Variants in BAZ1B observed in about 807,000 individuals in gnomAD.
BAZ1B encodes tyrosine-protein kinase BAZ1B.
A neutral mutation model predicts 153.8 loss-of-function variants in BAZ1B; 22 were observed. That is an observed-to-expected ratio of 0.14 (90% CI 0.10 to 0.20). BAZ1B has a LOEUF of 0.20. Ranked by LOEUF, BAZ1B falls within the 10% of genes least tolerant of loss-of-function variation. The pLI, the probability that BAZ1B is intolerant of heterozygous loss-of-function variation, is 1.00. For synonymous variants in BAZ1B, 676 were observed against 633.4 expected (o/e 1.07, Z -1.01); for missense variants, 1,325 against 1,799.3 (o/e 0.74, Z 4.77).
chr7:73,506,154 C>T (rs904096158), intron 3 of BAZ1B, among the ~76,000 whole-genome samples: 2 of 152,076 alleles, frequency 1.3e-5, no homozygotes, highest in African/African-American at 2.4e-5. Context: ...CTTTAGTGTT[C>T]GGTATCACTT....
At chr7:73,488,328 G>C (rs193022626) in intron 6 of BAZ1B, among the ~76,000 whole-genome samples, 2 of 152,228 alleles carry the variant, frequency 1.3e-5, no homozygotes, top group East Asian at 3.9e-4. Flanking sequence ...ACTTTCTGTT[G>C]GTTCTGATTA....
At position 73,521,852 on chromosome 7, in the gene BAZ1B, T is replaced by G; in HGVS notation, c.82A>C (p.Thr28Pro). 6.6e-7 allele frequency: 1 copy of G among 1,508,396 alleles called. No homozygotes were observed. 93.4% of individuals were successfully genotyped at this position (1,508,396 alleles called of 1,614,324 possible). A position where few individuals can be genotyped will look rare whatever the true frequency, so the allele number is the denominator to read the frequency against. Residue 28 changes from threonine to proline, a missense_variant, in exon 1 of 20, where the codon ACT (threonine) becomes CCT (proline). Physicochemically the swap from Thr to Pro is conservative, Grantham distance 38 (BLOSUM62 -1). Transcript: ENST00000339594. ...GEEPLFTIPH[T>P]QEAFRTREEY... ...TCCCGGGTGCGGAAGGCCTCCTGAG[T>G]GTGCGGGATGGTGAAGAGCGGCTCC...
rs999125819 is a variant in BAZ1B, at chr7:73,477,905, C to T, written c.1556G>A (p.Arg519Gln). Residue 519 changes from arginine (R) to glutamine (Q), a missense_variant, in exon 7 of 20, where the codon CGA (arginine) becomes CAA (glutamine). Arg to Gln is a conservative substitution (Grantham distance 43). Around this residue, in one of 9 missense-constraint regions of BAZ1B, gnomAD observed 154 missense variants for 266.3 expected, o/e 0.58. Transcript: ENST00000339594. The surrounding 1 kb of genome is among the most constrained non-coding windows in gnomAD (Gnocchi z 5.6). ...TTCATAGCGTTTTTGAACAAGACTT[C>T]GCAATTCTTCTGGGAGACGAGCTCT... ...EDRARLPEEL[R>Q]SLVQKRYELL... is the part of the protein sequence containing the mutation. 7 of 1,614,046 alleles carry T rather than the reference C, an allele frequency of 4.3e-6. No individual in the cohort carries two copies. Among genetic ancestry groups the T allele is most frequent in the East Asian group, 2.2e-5 (1 of 44,902 alleles).
In BAZ1B at chr7:73,466,288, C is replaced by A; in HGVS notation, c.2972+8G>T. ...AAGAAAGAGCAACCAGATGAATGCT[C>A]ACATTACCATAGGTTCTGTCCTTGT... is the stretch of plus-strand genomic sequence containing the variant. On this transcript the variant is annotated splice_region_variant and intron_variant, in intron 10 of 19. Transcript: ENST00000339594. 1.3e-6 allele frequency: 2 copies of A among 1,585,888 alleles called. No homozygotes were observed. Among genetic ancestry groups the A allele is most frequent in the South Asian group, 2.2e-5 (2 of 89,970 alleles).
At chr7:73,451,112 TA>T (rs1369004150) in intron 13 of BAZ1B, 118 bp from the exon 14 acceptor site, 13 of 1,269,220 alleles carry the variant, frequency 1.0e-5, no homozygotes, top group Non-Finnish European at 1.4e-5. Flanking sequence ...AGAACTTCAC[TA>T]ATCTAAACCA....
chr7:73,506,513 A>T lies in BAZ1B; in HGVS notation c.369+1814T>A, dbSNP rs183277584. On this transcript the variant is annotated intron_variant, in intron 3 of 19. Transcript: ENST00000339594. ...GACTCCATCTTAAAAAAAAAAAAAA[A>T]TTTAAGTAGAAAAAGTCCAACTCTC... 5.3e-4 allele frequency among the ~76,000 whole-genome samples: 79 copies of T among 149,190 alleles called. No individual in the cohort carries two copies. The East Asian group carries it at 0.014, about 26-fold the overall frequency.
rs782148534 is a variant in BAZ1B, at chr7:73,510,828, C to T, written c.132G>A (p.Arg44=). The T allele has an allele frequency of 1.9e-6, 3 of 1,614,044 alleles. No homozygotes were observed. The highest frequency in any genetic ancestry group is 2.2e-5 in the East Asian group (1 of 44,892). Residue 44 remains arginine, a synonymous_variant, in exon 2 of 20, where the codon AGG becomes AGA. Coordinates refer to ENST00000339594, the MANE Select transcript of BAZ1B (RefSeq NM_032408.4). ...TREEYEARLE[R]YSERIWTCKS... is the part of the protein sequence containing the mutation. ...TGCACGTCCAAATGCGCTCACTGTA[C>T]CTTTCCAAGCGGGCTTCATACTCTC...
chr7:73,474,762 G>A (rs1788937283), intron 7 of BAZ1B, among the ~76,000 whole-genome samples: 1 of 152,132 alleles, frequency 6.6e-6, no homozygotes, highest in African/African-American at 2.4e-5. Context: ...ACAAAAAAGA[G>A]CGCAACTCCG....
Position 73,463,096 on chromosome 7 carries a change from G to A in BAZ1B, c.3075C>T (p.Tyr1025=), listed in dbSNP as rs1276426059. ...GATGAATAGAGTGAATAATGTCCTG[G>A]TACCTAGAAGATTTGGGACAAGAGA... The part of the protein sequence containing the change: ...SQLKERLEKR[Y]QDIIHSIHLA... Residue 1025 remains tyrosine, a synonymous_variant, in exon 12 of 20, where the codon TAC becomes TAT. Transcript: ENST00000339594. 30 of 1,601,656 alleles carry A rather than the reference G, an allele frequency of 1.9e-5. No homozygotes were observed. The highest frequency in any genetic ancestry group is 2.0e-5 in the Non-Finnish European group (23 of 1,175,434).
chr7:73,501,887 A>ATTTT (rs200718272), intron 3 of BAZ1B, among the ~76,000 whole-genome samples: 7 of 133,114 alleles, frequency 5.3e-5, no homozygotes, highest in Non-Finnish European at 9.6e-5. Context: ...CTTATCAAGA[A>ATTTT]TTTTTTTTTT....
In BAZ1B at chr7:73,478,312, G is replaced by C; in HGVS notation, c.1149C>G (p.His383Gln). ...TGGCAGGTGGGCCTTTTTTAGGAAT[G>C]TGAAAGTTAGTGTGCAGCTTATTGG... Reference protein sequence around the residue: ...MSPNKLHTNFHIPKKGPPAKK... With the variant: ...MSPNKLHTNFQIPKKGPPAKK... Residue 383 changes from histidine (H) to glutamine (Q), a missense_variant, in exon 7 of 20, where the codon CAC becomes CAG. His to Gln is a conservative substitution (Grantham distance 24, BLOSUM62 0). This residue lies in a region of BAZ1B where 219 missense variants were observed against 248.2 expected (regional missense o/e 0.88). Transcript: ENST00000339594. 6.2e-7 allele frequency: 1 copy of C among 1,614,138 alleles called. No homozygotes were observed. The highest frequency in any genetic ancestry group is 8.5e-7 in the Non-Finnish European group (1 of 1,180,022).
chr7:73,441,441 CAAAGT>C lies in BAZ1B; in HGVS notation c.*263_*267del, dbSNP rs1787612467. On this transcript the variant is annotated 3_prime_UTR_variant, in exon 20 of 20. Transcript: ENST00000339594. ...CCAACACCCCTCTGGCCAGATCCATCAAAGTAAAGGTTATATGCATGATTATAAGC... is the reference window on the plus strand; with the variant it reads ...CCAACACCCCTCTGGCCAGATCCATCAAAGGTTATATGCATGATTATAAGC... 6.6e-6 allele frequency: 1 copy of C among 152,384 alleles called. No individual in the cohort carries two copies. Among genetic ancestry groups the C allele is most frequent in the South Asian group, 2.1e-4 (1 of 4,818 alleles). 9.4% of individuals were successfully genotyped at this position (152,384 alleles called of 1,614,324 possible). A position where few individuals can be genotyped will look rare whatever the true frequency, so the allele number is the denominator to read the frequency against.
chr7:73,492,897 C>T lies in BAZ1B; in HGVS notation c.596G>A (p.Arg199Gln), dbSNP rs1554575752. ...SINDRARRSP[R>Q]KLPTSLKKGE... The stretch of plus-strand genomic sequence containing the variant: ...TTTTTTTAATGAAGTAGGAAGTTTT[C>T]GTGGCGATCTACGTGCTCTGTCATC... Residue 199 changes from arginine to glutamine, a missense_variant, in exon 5 of 20, where the codon CGA (arginine) becomes CAA (glutamine). Arg to Gln is a conservative substitution (Grantham distance 43). This residue lies in a region of BAZ1B where 153 missense variants were observed against 204.8 expected (regional missense o/e 0.75). Coordinates refer to ENST00000339594, the MANE Select transcript of BAZ1B (RefSeq NM_032408.4). The T allele has an allele frequency of 1.9e-6, 3 of 1,608,250 alleles. No individual in the cohort carries two copies. The highest frequency in any genetic ancestry group is 1.3e-5 in the African/African-American group (1 of 74,592).
intron 19 of BAZ1B, 45 bp downstream of exon 19, chr7:73,442,136 T>TTGCCACCCC: frequency 1.7e-6 from 1 of 573,492 alleles, no homozygotes; most frequent in Non-Finnish European, 3.2e-6. Flanking sequence ...CTCGCTCGCC[T>TTGCCACCCC]CCCTCCCACC....
rs149536936 is a variant in BAZ1B at position 73,443,917 on chromosome 7, T to C, written c.3990+67A>G. On this transcript the variant is annotated intron_variant, in intron 17 of 19. Coordinates refer to ENST00000339594, the MANE Select transcript of BAZ1B (RefSeq NM_032408.4). ...CCCCTCCCACCTGTTGCCTGATGAA[T>C]TCCTAATTGCTGGGGTAGGGAATAA... 11 of 1,605,194 alleles carry C rather than the reference T, an allele frequency of 6.9e-6. No individual in the cohort carries two copies. The East Asian group carries it at 2.5e-4, about 36-fold the overall frequency.
chr7:73,502,923 A>G (rs1308947666), intron 3 of BAZ1B, among the ~76,000 whole-genome samples: 1 of 152,220 alleles, frequency 6.6e-6, no homozygotes, highest in Non-Finnish European at 1.5e-5. Context: ...AAATGTAATC[A>G]TACTGTATTC....
At chr7:73,446,045 GT>G (rs1490764864) in intron 16 of BAZ1B, among the ~76,000 whole-genome samples, 2 of 152,148 alleles carry the variant, frequency 1.3e-5, no homozygotes, top group African/African-American at 4.8e-5. Context: ...AGAGCTTAAG[GT>G]GTCCCACATC....
chr7:73,481,776 G>A (rs531393330), intron 6 of BAZ1B, among the ~76,000 whole-genome samples: 1 of 152,164 alleles, frequency 6.6e-6, no homozygotes, highest in East Asian at 1.9e-4. Context: ...GGTGGCTCAC[G>A]CCTGTAATCC....
rs782035004 is a variant in BAZ1B, at chr7:73,450,969, T to C, written c.3458A>G (p.Lys1153Arg). 1.9e-6 allele frequency: 3 copies of C among 1,614,186 alleles called. No homozygotes were observed. Among genetic ancestry groups the C allele is most frequent in the African/African-American group, 2.7e-5 (2 of 75,046 alleles). ...AGTCTGAGCTTCCCGGATTGCTGTC[T>C]TCCATTTCTCCAGTGCAGATGCAAC... ...AKVASALEKW[K>R]TAIREAQTFS... is the part of the protein sequence containing the mutation. Residue 1153 changes from lysine (K) to arginine (R), a missense_variant, in exon 14 of 20, where the codon AAG becomes AGG. By Grantham distance (26) the Lys-to-Arg change is conservative (BLOSUM62 2). Transcript: ENST00000339594. This position sits in a 1 kb window ranked among gnomAD's most constrained non-coding sequence, Gnocchi z 4.1.
Sources: gnomAD v4.1 joint callset for allele counts (sites outside exome capture counted in the v4.1 genomes callset) on GRCh38, gnomAD v4.1.1 for gene constraint, gnomAD v4.1.1 regional missense constraint, Gnocchi (gnomAD v3.1) non-coding constraint, MANE v1.5 for transcripts, NCBI Gene and HGNC (gene_info 2026-07-23, HGNC 2026-07-21) for gene names.